TRHR: variants seen among roughly 807,000 people sequenced by gnomAD.
The protein encoded by TRHR is thyrotropin releasing hormone receptor.
A neutral mutation model predicts 28.0 loss-of-function variants in TRHR; 14 were observed. That is an observed-to-expected ratio of 0.50 (90% confidence interval 0.33 to 0.78). The LOEUF (loss-of-function observed/expected upper bound fraction) is 0.78. TRHR is among the 30% of genes least tolerant of loss of function. The probability of loss-of-function intolerance (pLI) is 0.02; values close to 1 mark genes in which losing one functional copy is unlikely to be tolerated. For synonymous variants in TRHR, 176 were observed against 171.9 expected, an observed-to-expected ratio of 1.02 and a Z score of -0.18; for missense variants, 438 against 469.5, an observed-to-expected ratio of 0.93 and a Z score of 0.62.
intron 2 of TRHR, among the ~76,000 whole-genome samples, chr8:109,093,872 A>G (rs1270741162): frequency 6.6e-6 from 1 of 150,966 alleles, no homozygotes; most frequent in African/African-American, 2.4e-5. Context: ...AAAAAAAAAA[A>G]GACTAAGAAG....
chr8:109,107,214 G>A (rs559303114), intron 2 of TRHR, among the ~76,000 whole-genome samples: 4 of 152,052 alleles, frequency 2.6e-5, no homozygotes, highest in African/African-American at 9.7e-5. Context: ...ATCATCAAAG[G>A]CTTCATCTGT....
intron 2 of TRHR, among the ~76,000 whole-genome samples, chr8:109,092,599 G>C (rs1811532581): frequency 6.6e-6 from 1 of 151,842 alleles, no homozygotes; most frequent in Admixed American, 6.6e-5. Context: ...AACACACCTG[G>C]CTAATTTTTT....
chr8:109,118,579 A>C (rs1811954046), intron 2 of TRHR, among the ~76,000 whole-genome samples: 1 of 151,852 alleles, frequency 6.6e-6, no homozygotes, highest in South Asian at 2.1e-4. Flanking sequence ...TGGTTCCTGC[A>C]GTGGGAAATA....
At chr8:109,095,519 G>A (rs532579229) in intron 2 of TRHR, among the ~76,000 whole-genome samples, 158 of 152,264 alleles carry the variant, frequency 1.0e-3, no homozygotes, top group Middle Eastern at 0.01. Context: ...GTCTGAGCCA[G>A]ATTGTGGTCC....
chr8:109,104,713 G>T (rs1274020205), intron 2 of TRHR, among the ~76,000 whole-genome samples: 2 of 152,104 alleles, frequency 1.3e-5, no homozygotes, highest in Non-Finnish European at 2.9e-5. Flanking sequence ...AGACTCTTCA[G>T]AGAGCATAGT....
At chr8:109,099,715 A>G (rs752622421) in intron 2 of TRHR, among the ~76,000 whole-genome samples, 9 of 152,214 alleles carry the variant, frequency 5.9e-5, no homozygotes, top group Non-Finnish European at 1.0e-4. Flanking sequence ...ATAAAAATAG[A>G]TAACATTTCA....
At chr8:109,095,922 G>T (rs1811582045) in intron 2 of TRHR, among the ~76,000 whole-genome samples, 1 of 151,584 alleles carries the variant, frequency 6.6e-6, no homozygotes, top group Non-Finnish European at 1.5e-5. Flanking sequence ...CACCGCTGCT[G>T]CCCTGGTTCA....
At chr8:109,098,963 G>A (rs1341855752) in intron 2 of TRHR, among the ~76,000 whole-genome samples, 1 of 152,168 alleles carries the variant, frequency 6.6e-6, no homozygotes, top group African/African-American at 2.4e-5. Flanking sequence ...GCAGAAACGT[G>A]ATCCTATTTA....
intron 2 of TRHR, among the ~76,000 whole-genome samples, chr8:109,097,719 A>G (rs1204569858): frequency 6.6e-6 from 1 of 152,186 alleles, no homozygotes; most frequent in African/African-American, 2.4e-5. Context: ...GAAGTAGTCA[A>G]TGAGGCCAGA....
intron 2 of TRHR, among the ~76,000 whole-genome samples, chr8:109,092,066 G>C (rs970103598): frequency 2.6e-5 from 4 of 152,108 alleles, no homozygotes. Context: ...GAACATCTTA[G>C]TAAAATGTAA....
At chr8:109,090,393 CTTCT>C (rs1244757822) in intron 2 of TRHR, among the ~76,000 whole-genome samples, 4 of 152,172 alleles carry the variant, frequency 2.6e-5, no homozygotes, top group Admixed American at 6.5e-5. Context: ...GACGTGGTAA[CTTCT>C]TTAAGGAGTT....
intron 2 of TRHR, among the ~76,000 whole-genome samples, chr8:109,094,646 G>A (rs939548599): frequency 6.6e-6 from 1 of 151,502 alleles, no homozygotes; most frequent in African/African-American, 2.4e-5. Context: ...ATCTCCTAAA[G>A]TTGTGTGTTT....
Position 109,120,360 on chromosome 8 carries a change from T to A in TRHR, c.*905T>A, listed in dbSNP as rs1811989626. Among the ~76,000 whole-genome samples the A allele has an allele frequency of 6.6e-6, 1 of 151,874 alleles. No individual in the cohort carries two copies. Among genetic ancestry groups the A allele is most frequent in the South Asian group, 2.1e-4 (1 of 4,824 alleles). ...TTGAACATTCTTGTTTATAAACTACTCAGCCATGTCAAGCAAATCATTCAA... is the reference window on the plus strand; with the variant it reads ...TTGAACATTCTTGTTTATAAACTACACAGCCATGTCAAGCAAATCATTCAA... On this transcript the variant is annotated 3_prime_UTR_variant, in exon 3 of 3. Transcript: ENST00000518632.
At chr8:109,097,063 C>T (rs984329871) in intron 2 of TRHR, among the ~76,000 whole-genome samples, 1 of 152,142 alleles carries the variant, frequency 6.6e-6, no homozygotes, top group African/African-American at 2.4e-5. Flanking sequence ...AAGATTTCCC[C>T]CTCCAAATAG....
chr8:109,114,507 A>G (rs1196839318), intron 2 of TRHR, among the ~76,000 whole-genome samples: 1 of 152,054 alleles, frequency 6.6e-6, no homozygotes, highest in African/African-American at 2.4e-5. Context: ...ACGGAGTGTG[A>G]CATCATCTTA....
chr8:109,103,562 C>T (rs1586190444), intron 2 of TRHR, among the ~76,000 whole-genome samples: 1 of 152,058 alleles, frequency 6.6e-6, no homozygotes, highest in Admixed American at 6.6e-5. Flanking sequence ...AAGGCAAAAG[C>T]CAGAAAGCCT....
chr8:109,093,156 A>G (rs1053966193), intron 2 of TRHR, among the ~76,000 whole-genome samples: 2 of 152,098 alleles, frequency 1.3e-5, no homozygotes, highest in African/African-American at 4.8e-5. Flanking sequence ...CTGAAGTCAT[A>G]TGAGATATAT....
chr8:109,094,964 A>G lies in TRHR; in HGVS notation c.789+6663A>G, dbSNP rs575564294. On this transcript the variant is annotated intron_variant, in intron 2 of 2. Transcript: ENST00000518632. ...CACAGATACTCCAAGTTCCAGACAGATGAAGTCTGATTGGTAAGTATGTTC... is the reference window on the plus strand; with the variant it reads ...CACAGATACTCCAAGTTCCAGACAGGTGAAGTCTGATTGGTAAGTATGTTC... Among the ~76,000 whole-genome samples the G allele has an allele frequency of 2.0e-5, 3 of 151,996 alleles. No homozygotes were observed. In the East Asian group the frequency reaches 5.8e-4, roughly 29 times the overall value.
Position 109,121,485 on chromosome 8 carries a change from T to C in TRHR, c.*2030T>C, listed in dbSNP as rs1812006210. 1.3e-5 allele frequency among the ~76,000 whole-genome samples: 2 copies of C among 151,744 alleles called. No homozygotes were observed. The highest frequency in any genetic ancestry group is 4.8e-5 in the African/African-American group (2 of 41,392). ...CTTCATCACAATTTCACTACAGCTGTAATTTCTCTGATGATTAGACCAGTA... is the reference window on the plus strand; with the variant it reads ...CTTCATCACAATTTCACTACAGCTGCAATTTCTCTGATGATTAGACCAGTA... On this transcript the variant is annotated 3_prime_UTR_variant, in exon 3 of 3. Coordinates refer to ENST00000518632, the MANE Select transcript of TRHR (RefSeq NM_003301.7).
Sources: gnomAD v4.1 joint callset for allele counts (sites outside exome capture counted in the v4.1 genomes callset) on GRCh38, gnomAD v4.1.1 for gene constraint, MANE v1.5 for transcripts, NCBI Gene and HGNC (gene_info 2026-07-23, HGNC 2026-07-21) for gene names.